The following RORA variants were observed in gnomAD, a reference collection of about 807,000 sequenced individuals.
The protein encoded by RORA is nuclear receptor ROR-alpha.
A neutral mutation model predicts 69.5 loss-of-function variants in RORA; 7 were observed. That is an observed-to-expected ratio of 0.10 (90% CI 0.06 to 0.19). The LOEUF is 0.19. Among genes scored for constraint, RORA ranks in the 10% least tolerant of loss-of-function variants. RORA has a pLI of 1.00. For missense variants in RORA, 457 were observed against 663.0 expected (o/e 0.69, Z 3.41); for synonymous variants, 261 against 240.8 (o/e 1.08, Z -0.78).
At chr15:60,811,715 T>C (rs2072746006) in intron 1 of RORA, among the ~76,000 whole-genome samples, 1 of 152,202 alleles carries the variant, frequency 6.6e-6, no homozygotes, top group Admixed American at 6.5e-5. Context: ...TACCCACATC[T>C]CAATTCTCAT....
chr15:60,751,633 G>T (rs978649540), intron 1 of RORA, among the ~76,000 whole-genome samples: 3 of 152,200 alleles, frequency 2.0e-5, no homozygotes, highest in Non-Finnish European at 2.9e-5. Context: ...AATTCTGACT[G>T]CAGACTCTGA....
intron 1 of RORA, among the ~76,000 whole-genome samples, chr15:61,012,790 C>T (rs1419002897): frequency 6.6e-6 from 1 of 152,148 alleles, no homozygotes; most frequent in African/African-American, 2.4e-5. Context: ...TCTGGGATTA[C>T]AGGCACACAC....
chr15:60,544,164 G>A (rs1312163912), intron 2 of RORA, among the ~76,000 whole-genome samples: 1 of 152,182 alleles, frequency 6.6e-6, no homozygotes, highest in Non-Finnish European at 1.5e-5. Flanking sequence ...CTCCTCTTCT[G>A]TTCTTAGGCA....
intron 1 of RORA, chr15:61,194,062 C>G (rs955597192): frequency 6.6e-6 from 1 of 152,186 alleles, no homozygotes; most frequent in Non-Finnish European, 1.5e-5. Context: ...ACGAATGGCC[C>G]GTGGGAAGCG....
chr15:60,973,186 C>T (rs901488629), intron 1 of RORA, among the ~76,000 whole-genome samples: 4 of 152,170 alleles, frequency 2.6e-5, no homozygotes, highest in South Asian at 2.1e-4. Context: ...TGGAAAGGAA[C>T]ATGAAAGATG....
At chr15:61,010,611 C>T (rs1415897197) in intron 1 of RORA, among the ~76,000 whole-genome samples, 1 of 152,164 alleles carries the variant, frequency 6.6e-6, no homozygotes, top group Non-Finnish European at 1.5e-5. Context: ...GGAGTGTTCA[C>T]TAGCAGATTA....
chr15:60,540,571 C>CG lies in RORA; in HGVS notation c.197-8721_197-8720insC, dbSNP rs1555428657. On this transcript the variant is annotated intron_variant, in intron 2 of 10. Coordinates refer to ENST00000335670, the MANE Select transcript of RORA (RefSeq NM_134261.3). ...ACCTGCACAATTTCCATGACCCCCC[C>CG]CCCCCAAAACTGTGCGGTCACAAAA... Among the ~76,000 whole-genome samples, 13 of 50,868 alleles carry CG rather than the reference C, an allele frequency of 2.6e-4. 3 individuals carry two copies. The highest frequency in any genetic ancestry group is 3.0e-4 in the Non-Finnish European group (5 of 16,658). 33.4% of individuals were successfully genotyped at this position (50,868 alleles called of 152,430 possible). A position where few individuals can be genotyped will look rare whatever the true frequency, so the allele number is the denominator to read the frequency against.
intron 1 of RORA, among the ~76,000 whole-genome samples, chr15:61,096,483 G>C (rs1012032142): frequency 1.3e-5 from 2 of 152,122 alleles, no homozygotes; most frequent in African/African-American, 4.8e-5. Context: ...AGCTATTTTA[G>C]ACATGCATAC....
At chr15:60,823,692 A>G (rs1595743891) in intron 1 of RORA, among the ~76,000 whole-genome samples, 1 of 152,366 alleles carries the variant, frequency 6.6e-6, no homozygotes, top group East Asian at 1.9e-4. Flanking sequence ...CCCAGAAATA[A>G]GGAAGTTTAG....
chr15:61,193,010 T>C (rs2079814781), intron 1 of RORA, among the ~76,000 whole-genome samples: 1 of 152,164 alleles, frequency 6.6e-6, no homozygotes, highest in Non-Finnish European at 1.5e-5. Context: ...CTCTCTGTTA[T>C]CAAGTGAATA....
intron 1 of RORA, among the ~76,000 whole-genome samples, chr15:61,017,175 T>G (rs1420334480): frequency 1.3e-5 from 2 of 152,196 alleles, no homozygotes; most frequent in African/African-American, 2.4e-5. Context: ...CCTCCAGGGC[T>G]CCATTGGAAT....
intron 1 of RORA, among the ~76,000 whole-genome samples, chr15:61,124,880 C>T (rs1156806777): frequency 1.3e-5 from 2 of 152,184 alleles, no homozygotes; most frequent in East Asian, 1.9e-4. Flanking sequence ...ACTGTAATCC[C>T]CTTTTTATTC....
intron 2 of RORA, among the ~76,000 whole-genome samples, chr15:60,545,650 T>C (rs1282296424): frequency 6.6e-6 from 1 of 152,218 alleles, no homozygotes; most frequent in Non-Finnish European, 1.5e-5. Flanking sequence ...CTACGGTAAA[T>C]GGTGTGACAC....
At chr15:61,022,150 T>C (rs186477575) in intron 1 of RORA, among the ~76,000 whole-genome samples, 112 of 152,282 alleles carry the variant, frequency 7.4e-4, no homozygotes, top group African/African-American at 2.7e-3. Flanking sequence ...GGCTCTATGA[T>C]TTGGGACATT....
At chr15:60,891,161 A>G (rs1008895597) in intron 1 of RORA, among the ~76,000 whole-genome samples, 3 of 152,202 alleles carry the variant, frequency 2.0e-5, no homozygotes, top group Non-Finnish European at 4.4e-5. Context: ...AGCCAATATG[A>G]TCCTGCAAAT....
At chr15:60,914,848 T>A (rs1358390871) in intron 1 of RORA, among the ~76,000 whole-genome samples, 1 of 152,158 alleles carries the variant, frequency 6.6e-6, no homozygotes, top group East Asian at 1.9e-4. Context: ...CCCAGAAATA[T>A]CAGAGGACAC....
intron 8 of RORA, among the ~76,000 whole-genome samples, chr15:60,501,606 A>T (rs1376109671): frequency 1.3e-5 from 2 of 152,230 alleles, no homozygotes; most frequent in Non-Finnish European, 2.9e-5. Flanking sequence ...TAATAGCCAT[A>T]TTCTAACTGA....
intron 2 of RORA, among the ~76,000 whole-genome samples, chr15:60,561,078 TTTTG>T (rs1299685620): frequency 7.7e-6 from 1 of 129,468 alleles, no homozygotes; most frequent in African/African-American, 4.0e-5. Context: ...TTTGTTTTGT[TTTTG>T]TTTTTTTTTT....
chr15:61,032,838 T>C (rs1896242563), intron 1 of RORA, among the ~76,000 whole-genome samples: 1 of 152,198 alleles, frequency 6.6e-6, no homozygotes, highest in South Asian at 2.1e-4. Flanking sequence ...TTTGGAACAA[T>C]AATAAAATAA....
Sources: gnomAD v4.1 joint callset for allele counts (sites outside exome capture counted in the v4.1 genomes callset) on GRCh38, gnomAD v4.1.1 for gene constraint, MANE v1.5 for transcripts, NCBI Gene and HGNC (gene_info 2026-07-23, HGNC 2026-07-21) for gene names.